The following DPP6 variants were observed in gnomAD, a reference collection of about 807,000 sequenced individuals.
DPP6 encodes the protein dipeptidyl peptidase like 6.
A neutral mutation model predicts 122.6 loss-of-function variants in DPP6; 69 were observed. That is an observed-to-expected ratio of 0.56 (90% CI 0.46 to 0.69). The LOEUF (loss-of-function observed/expected upper bound fraction) is 0.69, where lower values mean the gene tolerates loss of function less well. Ranked by LOEUF, DPP6 falls within the 30% of genes least tolerant of loss-of-function variation. DPP6 has a pLI of 0.00. For synonymous variants in DPP6, 418 were observed against 433.1 expected (o/e 0.97, Z 0.43); for missense variants, 928 against 1,116.9 (o/e 0.83, Z 2.41).
At chr7:154,663,151 T>G (rs548156205) in intron 6 of DPP6, among the ~76,000 whole-genome samples, 1 of 76,114 alleles carries the variant, frequency 1.3e-5, no homozygotes, top group Non-Finnish European at 3.4e-5. Context: ...GCAGTCATGG[T>G]GAATCACCAT....
At chr7:153,946,264 T>C (rs978110464) in intron 1 of DPP6, among the ~76,000 whole-genome samples, 7 of 152,192 alleles carry the variant, frequency 4.6e-5, no homozygotes, top group African/African-American at 1.4e-4. Flanking sequence ...GGCTGCTCAA[T>C]TGAGTTAGTT....
At chr7:154,202,881 T>C (rs906849780) in intron 1 of DPP6, among the ~76,000 whole-genome samples, 1 of 152,190 alleles carries the variant, frequency 6.6e-6, no homozygotes, top group African/African-American at 2.4e-5. Context: ...TTAATTTTTT[T>C]CCAAATGTCA....
chr7:154,759,500 G>A (rs1257019036), intron 8 of DPP6, among the ~76,000 whole-genome samples: 1 of 152,240 alleles, frequency 6.6e-6, no homozygotes, highest in Non-Finnish European at 1.5e-5. Flanking sequence ...TCGAGGCCAG[G>A]CAGAGGCCAC....
chr7:154,478,933 A>C (rs766259068), intron 3 of DPP6, among the ~76,000 whole-genome samples: 5 of 147,808 alleles, frequency 3.4e-5, no homozygotes, highest in Non-Finnish European at 7.4e-5. Flanking sequence ...CTACAGAGGA[A>C]GAGACTTGAT....
chr7:154,379,164 G>C (rs1307129658), intron 1 of DPP6, among the ~76,000 whole-genome samples: 1 of 152,124 alleles, frequency 6.6e-6, no homozygotes, highest in Admixed American at 6.5e-5. Context: ...TTACAACTCG[G>C]TTCCAAGAGG....
intron 1 of DPP6, among the ~76,000 whole-genome samples, chr7:154,160,445 A>G (rs1796922124): frequency 1.3e-5 from 2 of 152,160 alleles, no homozygotes; most frequent in Admixed American, 1.3e-4. Context: ...CCCCTAACAA[A>G]CTATGCTAAA....
rs201759740 is a variant in DPP6, at chr7:154,103,741, C to T, written c.243+50678C>T. 7.7e-3 allele frequency among the ~76,000 whole-genome samples: 1,177 copies of T among 152,318 alleles called. 8 individuals carry two copies. Among genetic ancestry groups the T allele is most frequent in the East Asian group, 0.075 (389 of 5,156 alleles). Reference sequence around the variant, plus strand: ...CAGAAGAAGGTAAGATAAGCTTACTCGCTGGTTCTTCTGGCTTCTTGCTTT... The same window carrying T: ...CAGAAGAAGGTAAGATAAGCTTACTTGCTGGTTCTTCTGGCTTCTTGCTTT... On this transcript the variant is annotated intron_variant, in intron 1 of 25. Coordinates refer to ENST00000377770, the MANE Select transcript of DPP6 (RefSeq NM_130797.4).
chr7:154,167,225 C>T (rs1241618377), intron 1 of DPP6, among the ~76,000 whole-genome samples: 5 of 152,114 alleles, frequency 3.3e-5, no homozygotes, highest in African/African-American at 4.8e-5. Context: ...AGGGACCAGG[C>T]GTGGTGTGTG....
At chr7:154,019,089 T>C (rs1331514553) in intron 1 of DPP6, among the ~76,000 whole-genome samples, 6 of 152,220 alleles carry the variant, frequency 3.9e-5, no homozygotes, top group Non-Finnish European at 7.3e-5. Context: ...GATGCATCTA[T>C]TTAATATTAA....
chr7:153,901,099 C>A (rs1026145479), intron 1 of DPP6, among the ~76,000 whole-genome samples: 1 of 151,986 alleles, frequency 6.6e-6, no homozygotes, highest in Non-Finnish European at 1.5e-5. Flanking sequence ...AATTCAGAAG[C>A]CAACCACAAA....
At chr7:153,948,679 A>G (rs1359703006) in intron 1 of DPP6, among the ~76,000 whole-genome samples, 2 of 151,416 alleles carry the variant, frequency 1.3e-5, no homozygotes, top group Non-Finnish European at 2.9e-5. Flanking sequence ...AAAATGAACA[A>G]AATATAATAC....
chr7:154,377,723 A>G (rs753423530), intron 1 of DPP6, among the ~76,000 whole-genome samples: 2 of 152,192 alleles, frequency 1.3e-5, no homozygotes, highest in African/African-American at 2.4e-5. Context: ...AGGCCTCCCC[A>G]GCCGTGTGAA....
intron 1 of DPP6, among the ~76,000 whole-genome samples, chr7:154,144,709 A>G (rs1192799240): frequency 1.3e-5 from 2 of 152,126 alleles, no homozygotes; most frequent in Non-Finnish European, 2.9e-5. Flanking sequence ...TTTGAAGATA[A>G]GGCGTTTTTT....
intron 7 of DPP6, among the ~76,000 whole-genome samples, chr7:154,715,282 T>C (rs1207815603): frequency 2.0e-5 from 3 of 152,206 alleles, no homozygotes; most frequent in African/African-American, 4.8e-5. Context: ...TTGGCCAGGC[T>C]GGTCTCGAAC....
At chr7:153,866,451 C>A in the DPP6 span, among the ~76,000 whole-genome samples, 1 of 152,156 alleles carries the variant, frequency 6.6e-6, no homozygotes, top group Admixed American at 6.5e-5. Context: ...TAAATGTCTT[C>A]TCTTGAGAAG....
intron 6 of DPP6, among the ~76,000 whole-genome samples, chr7:154,654,521 C>T (rs974217850): frequency 8.6e-5 from 13 of 151,700 alleles, no homozygotes; most frequent in East Asian, 1.9e-4. Context: ...CAGGTTCAGG[C>T]GATTCTCCTG....
chr7:154,475,335 G>T (rs73726895), intron 3 of DPP6: 58,729 of 384,574 alleles, frequency 0.15, 4,957 homozygotes, highest in African/African-American at 0.24. Flanking sequence ...TCATTTCTCC[G>T]GGGGAGCTGT....
intron 1 of DPP6, among the ~76,000 whole-genome samples, chr7:153,939,975 G>T (rs1801623456): frequency 6.6e-6 from 1 of 152,320 alleles, no homozygotes; most frequent in South Asian, 2.1e-4. Context: ...CAAAGTGGCA[G>T]AAGGTGTAAA....
At chr7:154,567,111 A>G (rs767268822) in intron 5 of DPP6, among the ~76,000 whole-genome samples, 195 bp downstream of exon 5, 1 of 152,176 alleles carries the variant, frequency 6.6e-6, no homozygotes, top group Non-Finnish European at 1.5e-5. Context: ...TGGCAGGGGA[A>G]AAAAGTCACA....
Sources: allele counts gnomAD v4.1 joint callset (sites outside exome capture counted in the v4.1 genomes callset), GRCh38; gene constraint gnomAD v4.1.1; transcripts MANE v1.5; gene names NCBI Gene and HGNC (gene_info 2026-07-23, HGNC 2026-07-21).